Variants in CFAP210 observed in about 807,000 individuals in gnomAD.
CFAP210 encodes the protein cilia and flagella associated protein 210, also known as cilia- and flagella- associated protein 210.
At chr2:169,648,920 A>G in the CFAP210 span, among the ~76,000 whole-genome samples, 1 of 152,246 alleles carries the variant, frequency 6.6e-6, no homozygotes, top group Non-Finnish European at 1.5e-5. Context: ...TGGCCTCCAC[A>G]TGCATTTGTA....
the CFAP210 span, among the ~76,000 whole-genome samples, chr2:169,686,405 T>C: frequency 7.2e-6 from 1 of 138,198 alleles, no homozygotes. Flanking sequence ...TTGCCATCTG[T>C]CTTAGTCCAT....
the CFAP210 span, among the ~76,000 whole-genome samples, chr2:169,689,111 G>T: frequency 0.41 from 61,942 of 151,906 alleles, 12,904 homozygotes; most frequent in Non-Finnish European, 0.44. Flanking sequence ...TCATAAGACT[G>T]AATTACTATC....
At chr2:169,666,602 T>C in the CFAP210 span, among the ~76,000 whole-genome samples, 1 of 151,802 alleles carries the variant, frequency 6.6e-6, no homozygotes, top group South Asian at 2.1e-4. Flanking sequence ...AGCCATTCCA[T>C]CTACTTCAGG....
At chr2:169,675,103 C>T in the CFAP210 span, 4 of 1,173,116 alleles carry the variant, frequency 3.4e-6, no homozygotes, top group Non-Finnish European at 4.5e-6. Context: ...TACAGTTTAA[C>T]ATAATAATAT....
the CFAP210 span, among the ~76,000 whole-genome samples, chr2:169,647,386 A>T: frequency 6.6e-6 from 1 of 152,170 alleles, no homozygotes; most frequent in African/African-American, 2.4e-5. Context: ...GGTACCTCAC[A>T]TTTGATATGC....
chr2:169,685,649 T>C, the CFAP210 span, among the ~76,000 whole-genome samples: 107 of 151,600 alleles, frequency 7.1e-4, no homozygotes, highest in Admixed American at 2.4e-3. Flanking sequence ...TTGATTGTGC[T>C]TTTGGTGTCA....
the CFAP210 span, among the ~76,000 whole-genome samples, chr2:169,660,611 T>A: frequency 3.3e-4 from 50 of 149,624 alleles, no homozygotes; most frequent in Non-Finnish European, 5.6e-4. Context: ...TATATTTTTT[T>A]TTTTTTCTTT....
the CFAP210 span, among the ~76,000 whole-genome samples, chr2:169,676,184 A>T: frequency 2.1e-4 from 32 of 152,102 alleles, no homozygotes; most frequent in Non-Finnish European, 3.8e-4. Flanking sequence ...TCCTATATAT[A>T]ACATGGGTTT....
At chr2:169,668,532 T>A in the CFAP210 span, among the ~76,000 whole-genome samples, 1 of 152,358 alleles carries the variant, frequency 6.6e-6, no homozygotes, top group Middle Eastern at 3.4e-3. Context: ...CTCACTAAGT[T>A]TAATCATTTC....
At chr2:169,657,910 C>T in the CFAP210 span, among the ~76,000 whole-genome samples, 37 of 151,928 alleles carry the variant, frequency 2.4e-4, no homozygotes, top group Non-Finnish European at 4.0e-4. Flanking sequence ...TCATGCATGA[C>T]TTTAAAAGAT....
chr2:169,646,056 C>T, the CFAP210 span: 1 of 1,613,848 alleles, frequency 6.2e-7, no homozygotes, highest in Non-Finnish European at 8.5e-7. Context: ...GTTTCCGATT[C>T]AAGTTCAATT....
chr2:169,657,005 AAGAG>A, the CFAP210 span, among the ~76,000 whole-genome samples: 1 of 151,574 alleles, frequency 6.6e-6, no homozygotes, highest in Non-Finnish European at 1.5e-5. Flanking sequence ...GTAAAAAAAA[AAGAG>A]AAGAAGGTGT....
At chr2:169,652,839 A>AC in the CFAP210 span, among the ~76,000 whole-genome samples, 1 of 147,492 alleles carries the variant, frequency 6.8e-6, no homozygotes, top group African/African-American at 2.5e-5. Context: ...ACTAAAAATT[A>AC]CAAAAAAAAA....
At chr2:169,652,721 C>T in the CFAP210 span, among the ~76,000 whole-genome samples, 23,858 of 151,528 alleles carry the variant, frequency 0.16, 2,092 homozygotes, top group African/African-American at 0.23. Context: ...AATAGCCGGG[C>T]GCAGTGGCTC....
At chr2:169,659,749 C>T in the CFAP210 span, among the ~76,000 whole-genome samples, 24 of 152,282 alleles carry the variant, frequency 1.6e-4, no homozygotes, top group South Asian at 2.9e-3. Context: ...CCCAACAGTC[C>T]CCAAAGTCTT....
At chr2:169,679,774 G>T in the CFAP210 span, among the ~76,000 whole-genome samples, 2 of 150,780 alleles carry the variant, frequency 1.3e-5, no homozygotes, top group Admixed American at 1.3e-4. Flanking sequence ...CTATAAGTGA[G>T]AACATGCAGT....
At chr2:169,690,856 C>G in the CFAP210 span, among the ~76,000 whole-genome samples, 1 of 152,086 alleles carries the variant, frequency 6.6e-6, no homozygotes, top group Non-Finnish European at 1.5e-5. Flanking sequence ...ACAGTTTGAT[C>G]ATGATGTGTA....
chr2:169,658,701 T>C, the CFAP210 span: 1 of 291,006 alleles, frequency 3.4e-6, no homozygotes, highest in Non-Finnish European at 6.8e-6. Flanking sequence ...CTACAACAGG[T>C]GCTTATTCCC....
the CFAP210 span, among the ~76,000 whole-genome samples, chr2:169,691,765 A>G: frequency 6.6e-6 from 1 of 152,176 alleles, no homozygotes; most frequent in Non-Finnish European, 1.5e-5. Context: ...TTCTACATAC[A>G]CCCAAAGTTT....
Sources: allele counts gnomAD v4.1 joint callset (sites outside exome capture counted in the v4.1 genomes callset), GRCh38; gene constraint gnomAD v4.1.1; transcripts MANE v1.5; gene names NCBI Gene and HGNC (gene_info 2026-07-23, HGNC 2026-07-21).